PRKD2: variants seen among roughly 807,000 people sequenced by gnomAD.
PRKD2 encodes serine/threonine-protein kinase D2.
PRKD2 carries 22 observed loss-of-function variants against 86.0 expected under a neutral mutation model. The observed-to-expected ratio is 0.26, with a 90% confidence interval of 0.18 to 0.37. PRKD2 has a LOEUF of 0.37. Ranked by LOEUF, PRKD2 falls within the 10% of genes least tolerant of loss-of-function variation. The probability of loss-of-function intolerance (pLI) is 1.00; values close to 1 mark genes in which losing one functional copy is unlikely to be tolerated. For synonymous variants in PRKD2, 509 were observed against 510.9 expected (o/e 1.00, Z 0.05); for missense variants, 818 against 1,199.2 (o/e 0.68, Z 4.70).
chr19:46,707,016 C>T (rs975289208), intron 3 of PRKD2, among the ~76,000 whole-genome samples: 3 of 151,830 alleles, frequency 2.0e-5, no homozygotes, highest in African/African-American at 7.3e-5. Context: ...GCCTCAGCCT[C>T]CCGAGTAGCT....
rs769679628 is a variant in PRKD2, at chr19:46,700,930, G to T, written c.990C>A (p.Thr330=). The change falls in exon 7 of 18, where the codon ACC becomes ACA. Residue 330 remains threonine, a synonymous_variant. Coordinates refer to ENST00000291281, the MANE Select transcript of PRKD2 (RefSeq NM_016457.5). Reference sequence around the variant, plus strand: ...CGCTCTTGTCAGCCTCGCTGAAATCGGTGGCCTCCTCCATCGGCACATCTG... The same window carrying T: ...CGCTCTTGTCAGCCTCGCTGAAATCTGTGGCCTCCTCCATCGGCACATCTG... The part of the protein sequence containing the change: ...INGDVPMEEA[T]DFSEADKSAL... The T allele has an allele frequency of 6.2e-7, 1 of 1,614,108 alleles. No homozygotes were observed. The highest frequency in any genetic ancestry group is 8.5e-7 in the Non-Finnish European group (1 of 1,180,042).
At chr19:46,674,978 A>G (rs1222054419) in intron 17 of PRKD2, 55 bp downstream of exon 17, 6 of 1,484,628 alleles carry the variant, frequency 4.0e-6, no homozygotes, top group Non-Finnish European at 5.5e-6. Context: ...TAAGCGATCT[A>G]CTCCCACCCC....
rs1047666644 is a variant in PRKD2 at position 46,704,793 on chromosome 19, C to T, written c.512-144G>A. The stretch of plus-strand genomic sequence containing the variant: ...GCACGATCTCCTCCAAAAGGCACTA[C>T]TATCCGTAAGTGTATCAGCCCCTTC... On this transcript the variant is annotated intron_variant, in intron 3 of 17. Transcript: ENST00000291281. The T allele has an allele frequency of 3.7e-5, 41 of 1,114,048 alleles. No individual in the cohort carries two copies. The African/African-American group carries it at 6.5e-4, about 18-fold the overall frequency. The allele number at this position is 1,114,048 out of a possible 1,614,324, so 69.0% of individuals were successfully genotyped here.
chr19:46,693,114 C>T lies in PRKD2; in HGVS notation c.1576+761G>A, dbSNP rs533423920. Among the ~76,000 whole-genome samples, 1 of 152,300 alleles carries T rather than the reference C, an allele frequency of 6.6e-6. No homozygotes were observed. The highest frequency in any genetic ancestry group is 2.4e-5 in the African/African-American group (1 of 41,584). ...ATCTCAGTTCAGATGTCACCTCCTC[C>T]AGGAAGCCCCCCTATATACCCAGAT... On this transcript the variant is annotated intron_variant, in intron 10 of 17. Coordinates refer to ENST00000291281, the MANE Select transcript of PRKD2 (RefSeq NM_016457.5). This position sits in a 1 kb window ranked among gnomAD's most constrained non-coding sequence, Gnocchi z 4.5.
chr19:46,692,565 C>A (rs1428526125), intron 10 of PRKD2, among the ~76,000 whole-genome samples: 1 of 147,690 alleles, frequency 6.8e-6, no homozygotes, highest in African/African-American at 2.5e-5. Flanking sequence ...CACAGAGAAA[C>A]CAGAGGGATC....
chr19:46,714,944 C>CT (rs2053864478), intron 1 of PRKD2, among the ~76,000 whole-genome samples: 1 of 152,192 alleles, frequency 6.6e-6, no homozygotes, highest in Non-Finnish European at 1.5e-5. Context: ...AAGTTTTTCT[C>CT]TAAGCTTCAG....
chr19:46,680,948 T>TA (rs55813443), intron 15 of PRKD2, among the ~76,000 whole-genome samples: 156 of 26,490 alleles, frequency 5.9e-3, no homozygotes, highest in African/African-American at 0.012. Context: ...ATATATATAT[T>TA]TTTTTTTTTT....
chr19:46,678,590 G>A lies in PRKD2; in HGVS notation c.2144C>T (p.Pro715Leu), dbSNP rs766343388. The A allele has an allele frequency of 1.1e-5, 17 of 1,613,556 alleles. No homozygotes were observed. The highest frequency in any genetic ancestry group is 1.4e-5 in the Non-Finnish European group (17 of 1,180,042). The change falls in exon 16 of 18, where the codon CCG (proline) becomes CTG (leucine). Residue 715 changes from proline (P) to leucine (L), a missense_variant. By Grantham distance (98) the Pro-to-Leu change is moderately conservative (BLOSUM62 -3). Transcript: ENST00000291281. This position sits in a 1 kb window ranked among gnomAD's most constrained non-coding sequence, Gnocchi z 5.7. ...KSFRRSVVGTPAYLAPEVLLN... is the reference protein window; with the variant it reads ...KSFRRSVVGTLAYLAPEVLLN... Reference sequence around the variant, plus strand: ...CAGCACCTCGGGTGCCAGGTAGGCCGGCGTGCCCACCACTGAGCGGCGGAA... The same window carrying A: ...CAGCACCTCGGGTGCCAGGTAGGCCAGCGTGCCCACCACTGAGCGGCGGAA...
chr19:46,688,091 T>C (rs1001071630), intron 14 of PRKD2, among the ~76,000 whole-genome samples: 1 of 152,144 alleles, frequency 6.6e-6, no homozygotes, highest in African/African-American at 2.4e-5. Flanking sequence ...GATCTCACTA[T>C]GTCGCCTAGG....
rs755227885 is a variant in PRKD2, at chr19:46,694,065, G to A, written c.1386C>T (p.Thr462=). 4 of 1,614,170 alleles carry A rather than the reference G, an allele frequency of 2.5e-6. No homozygotes were observed. The South Asian group carries it at 4.4e-5, about 18-fold the overall frequency. Residue 462 remains threonine (T), a synonymous_variant, in exon 10 of 18, where the codon ACC becomes ACT. Transcript: ENST00000291281. Reference sequence around the variant, plus strand: ...TGACGATCTCAAAGCAGTGTGGGTTGGTGCCCGGCGGCACAAGGCTGAAGT... The same window carrying A: ...TGACGATCTCAAAGCAGTGTGGGTTAGTGCCCGGCGGCACAAGGCTGAAGT... The part of the protein sequence containing the change: ...AQNFSLVPPG[T]NPHCFEIVTA...
intron 1 of PRKD2, among the ~76,000 whole-genome samples, chr19:46,714,783 A>C (rs1242166739): frequency 6.6e-6 from 1 of 152,180 alleles, no homozygotes; most frequent in Admixed American, 6.5e-5. Flanking sequence ...CCGTACCCCC[A>C]CTGCCACCAG....
intron 8 of PRKD2, 199 bp from the exon 9 acceptor site, chr19:46,697,433 C>G: frequency 5.1e-6 from 3 of 592,686 alleles, no homozygotes; most frequent in South Asian, 2.0e-5. Flanking sequence ...GCCCAGCCCC[C>G]ACGCCCTAAC....
chr19:46,693,491 G>C lies in PRKD2; in HGVS notation c.1576+384C>G, dbSNP rs927555032. On this transcript the variant is annotated intron_variant, in intron 10 of 17. Coordinates refer to ENST00000291281, the MANE Select transcript of PRKD2 (RefSeq NM_016457.5). The surrounding 1 kb of genome is among the most constrained non-coding windows in gnomAD (Gnocchi z 4.5). ...AGACAGAGTCTTGCTCTGTCACCCAGACTGGAGTGCAGTGATGCAATCATG... is the reference window on the plus strand; with the variant it reads ...AGACAGAGTCTTGCTCTGTCACCCACACTGGAGTGCAGTGATGCAATCATG... Among the ~76,000 whole-genome samples the C allele has an allele frequency of 1.3e-5, 2 of 152,126 alleles. No homozygotes were observed. Among genetic ancestry groups the C allele is most frequent in the Non-Finnish European group, 2.9e-5 (2 of 68,036 alleles).
chr19:46,714,137 C>T, intron 1 of PRKD2, 136 bp from the exon 2 acceptor site: 3 of 1,393,878 alleles, frequency 2.2e-6, no homozygotes, highest in South Asian at 1.6e-5. Context: ...TCGCTTCCTG[C>T]CTGCCCCCTC....
At chr19:46,685,892 T>A (rs2053389632) in intron 14 of PRKD2, 1 of 152,360 alleles carries the variant, frequency 6.6e-6, no homozygotes, top group Non-Finnish European at 1.5e-5. Context: ...GAGGGTGCAG[T>A]GAGCCGAGAT....
intron 3 of PRKD2, among the ~76,000 whole-genome samples, chr19:46,707,346 C>G (rs550350353): frequency 6.6e-6 from 1 of 152,276 alleles, no homozygotes; most frequent in South Asian, 2.1e-4. Flanking sequence ...TGGCTCATGT[C>G]TGTAATCCCA....
At position 46,678,184 on chromosome 19, in the gene PRKD2, C is replaced by T. The variant is rs1373461254; in HGVS notation, c.2338+212G>A. 6.6e-6 allele frequency among the ~76,000 whole-genome samples: 1 copy of T among 152,178 alleles called. No individual in the cohort carries two copies. The highest frequency in any genetic ancestry group is 6.5e-5 in the Admixed American group (1 of 15,276). On this transcript the variant is annotated intron_variant, in intron 16 of 17. Transcript: ENST00000291281. The surrounding 1 kb of genome is among the most constrained non-coding windows in gnomAD (Gnocchi z 5.7). ...CTTCTGGGGCACTTGGTTTCCAGCC[C>T]AAGTAACCTAGTCTAGGCCTGAGTC...
chr19:46,676,564 C>T (rs545886905), intron 16 of PRKD2, among the ~76,000 whole-genome samples: 2 of 152,328 alleles, frequency 1.3e-5, no homozygotes, highest in South Asian at 2.1e-4. Flanking sequence ...AGCACTCATC[C>T]GAGGCTCTCT....
intron 7 of PRKD2, among the ~76,000 whole-genome samples, chr19:46,699,698 C>T (rs1342978872): frequency 6.6e-6 from 1 of 152,140 alleles, no homozygotes; most frequent in Non-Finnish European, 1.5e-5. Context: ...CTGTCCTAGG[C>T]ACCTGGGAGG....
Sources: gnomAD v4.1 joint callset for allele counts (sites outside exome capture counted in the v4.1 genomes callset) on GRCh38, gnomAD v4.1.1 for gene constraint, Gnocchi (gnomAD v3.1) non-coding constraint, MANE v1.5 for transcripts, NCBI Gene and HGNC (gene_info 2026-07-23, HGNC 2026-07-21) for gene names.